CDYL: variants seen among roughly 807,000 people sequenced by gnomAD.
The protein encoded by CDYL is chromodomain Y-like protein.
In CDYL, 8 loss-of-function variants were observed where a neutral mutation model predicts 47.3. That is an observed-to-expected ratio of 0.17 (90% CI 0.10 to 0.31). The LOEUF (loss-of-function observed/expected upper bound fraction) is 0.31. CDYL is among the 10% of genes least tolerant of loss of function. The pLI is 1.00. For synonymous variants in CDYL, 266 were observed against 265.0 expected (o/e 1.00, Z -0.04); for missense variants, 471 against 701.4 (o/e 0.67, Z 3.71).
intron 2 of CDYL, among the ~76,000 whole-genome samples, chr6:4,906,164 T>C (rs1055842706): frequency 4.6e-5 from 7 of 152,210 alleles, no homozygotes; most frequent in African/African-American, 1.4e-4. Flanking sequence ...GATATGACTT[T>C]TATTGAATGG....
At chr6:4,931,897 G>A (rs146350850) in intron 2 of CDYL, among the ~76,000 whole-genome samples, 6 of 152,284 alleles carry the variant, frequency 3.9e-5, no homozygotes, top group African/African-American at 7.2e-5. Context: ...GCAGAACCAC[G>A]GATAGTTCGT....
At chr6:4,707,551 C>T (rs576918948) in intron 1 of CDYL, among the ~76,000 whole-genome samples, 1 of 152,162 alleles carries the variant, frequency 6.6e-6, no homozygotes, top group Non-Finnish European at 1.5e-5. Flanking sequence ...GGATTACAGG[C>T]GTGAGCCACA....
Position 4,943,769 on chromosome 6 carries a change from T to TAAA in CDYL, c.1332+13_1332+14insAAA, listed in dbSNP as rs569061824. Reference sequence around the variant, plus strand: ...GGGAGGAGCATCTGTGAGTACCTTTTTAAAAAAAAAAAAAAAAAGTCATTC... The same window carrying TAAA: ...GGGAGGAGCATCTGTGAGTACCTTTTAAATAAAAAAAAAAAAAAAAAGTCATTC... On this transcript the variant is annotated intron_variant, in intron 5 of 6. Transcript: ENST00000397588. 3.0e-4 allele frequency: 357 copies of TAAA among 1,210,158 alleles called. 1 individual carries two copies. The highest frequency in any genetic ancestry group is 2.2e-3 in the African/African-American group (114 of 51,236). The allele number at this position is 1,210,158 out of a possible 1,614,324, so 75.0% of individuals were successfully genotyped here. A position where few individuals can be genotyped will look rare whatever the true frequency, so the allele number is the denominator to read the frequency against.
chr6:4,742,024 A>C (rs1006727511), intron 3 of CDYL, among the ~76,000 whole-genome samples: 14 of 152,136 alleles, frequency 9.2e-5, no homozygotes, highest in Admixed American at 2.0e-4. Flanking sequence ...AATTGCTGGC[A>C]TAGGAGCAAA....
At chr6:4,894,867 ATACACACATGTGTATGTG>A (rs1762154205) in intron 2 of CDYL, among the ~76,000 whole-genome samples, 1 of 20,624 alleles carries the variant, frequency 4.8e-5, no homozygotes, top group Non-Finnish European at 6.6e-4. Flanking sequence ...ATATGTGTAT[ATACACACATGTGTATGTG>A]TGTGTATATA....
chr6:4,850,692 A>G (rs986122773), intron 1 of CDYL, among the ~76,000 whole-genome samples: 3 of 152,218 alleles, frequency 2.0e-5, no homozygotes, highest in Non-Finnish European at 4.4e-5. Flanking sequence ...TTGAAAGCAT[A>G]TAGTTAGATC....
intron 2 of CDYL, among the ~76,000 whole-genome samples, chr6:4,723,993 T>A (rs1757428622): frequency 6.6e-6 from 1 of 152,252 alleles, no homozygotes; most frequent in Non-Finnish European, 1.5e-5. Context: ...GAAATTATTT[T>A]ACTCATCCCA....
intron 2 of CDYL, among the ~76,000 whole-genome samples, chr6:4,901,254 A>T (rs1458477047): frequency 1.3e-5 from 2 of 152,096 alleles, no homozygotes; most frequent in Non-Finnish European, 2.9e-5. Context: ...AAGGGGGGGA[A>T]ATCACATTTT....
At chr6:4,886,053 C>T (rs1157285746) in intron 1 of CDYL, among the ~76,000 whole-genome samples, 2 of 152,158 alleles carry the variant, frequency 1.3e-5, no homozygotes, top group East Asian at 3.9e-4. Flanking sequence ...AAAGTCCATC[C>T]ATGTTGTAGC....
intron 2 of CDYL, among the ~76,000 whole-genome samples, chr6:4,925,475 G>A (rs1757843133): frequency 7.5e-6 from 1 of 133,348 alleles, no homozygotes; most frequent in Non-Finnish European, 1.5e-5. Context: ...GCAGTGGCAC[G>A]ATCTCGGCTC....
chr6:4,939,658 A>G (rs1220056080), intron 4 of CDYL, among the ~76,000 whole-genome samples: 6 of 152,216 alleles, frequency 3.9e-5, no homozygotes, highest in Admixed American at 3.9e-4. Context: ...AGGTGGGACC[A>G]TCTTGTTCTT....
intron 2 of CDYL, among the ~76,000 whole-genome samples, chr6:4,929,752 C>T (rs1757981755): frequency 6.6e-6 from 1 of 152,062 alleles, no homozygotes; most frequent in Admixed American, 6.6e-5. Context: ...TCTTTAAATG[C>T]TTGAGCACAT....
chr6:4,843,030 A>T (rs1254838010), intron 1 of CDYL, among the ~76,000 whole-genome samples: 5 of 152,156 alleles, frequency 3.3e-5, no homozygotes, highest in African/African-American at 7.2e-5. Context: ...TATTTGTCTT[A>T]AAAAGACGGT....
intron 1 of CDYL, among the ~76,000 whole-genome samples, chr6:4,859,307 C>CT (rs141977148): frequency 0.046 from 6,888 of 149,858 alleles, 523 homozygotes; most frequent in African/African-American, 0.16. Flanking sequence ...TACTTGTAGT[C>CT]TTTTTTTTTT....
At chr6:4,858,598 A>G (rs972852238) in intron 1 of CDYL, among the ~76,000 whole-genome samples, 1 of 152,238 alleles carries the variant, frequency 6.6e-6, no homozygotes, top group African/African-American at 2.4e-5. Flanking sequence ...CTTGGCTGGC[A>G]TGCTTATTCA....
At chr6:4,767,006 A>C (rs1453464500) in intron 3 of CDYL, among the ~76,000 whole-genome samples, 2 of 152,146 alleles carry the variant, frequency 1.3e-5, no homozygotes, top group Non-Finnish European at 2.9e-5. Flanking sequence ...TGTCTAAAAA[A>C]AAAATTAACA....
chr6:4,883,786 CT>C (rs369371815), intron 1 of CDYL, among the ~76,000 whole-genome samples: 33 of 152,334 alleles, frequency 2.2e-4, no homozygotes, highest in African/African-American at 7.2e-4. Flanking sequence ...TGCACTCTCC[CT>C]CTGTGAAGGG....
intron 2 of CDYL, chr6:4,734,617 C>T: frequency 8.9e-7 from 1 of 1,123,832 alleles, no homozygotes; most frequent in Non-Finnish European, 1.2e-6. Context: ...AAGGAGAGAC[C>T]AGTTTCTATG....
chr6:4,737,456 C>T (rs1052235227), intron 3 of CDYL, among the ~76,000 whole-genome samples: 2 of 152,008 alleles, frequency 1.3e-5, no homozygotes, highest in African/African-American at 4.8e-5. Flanking sequence ...AGTTTGAGAC[C>T]AGCCTGGCCA....
Sources: gnomAD v4.1 joint callset for allele counts (sites outside exome capture counted in the v4.1 genomes callset) on GRCh38, gnomAD v4.1.1 for gene constraint, MANE v1.5 for transcripts, NCBI Gene and HGNC (gene_info 2026-07-23, HGNC 2026-07-21) for gene names.